Variants in IQCK observed in about 807,000 individuals in gnomAD.
IQCK encodes the protein IQ domain-containing protein K.
A neutral mutation model predicts 28.1 loss-of-function variants in IQCK; 29 were observed. The ratio of observed to expected loss-of-function variants is 1.03; its 90% confidence interval spans 0.77 to 1.41. IQCK has a LOEUF of 1.41. Among genes scored for constraint, IQCK ranks in the 40% most tolerant of loss-of-function variants. IQCK has a pLI of 0.00. For missense variants in IQCK, 359 were observed against 314.7 expected (o/e 1.14, Z -1.07); for synonymous variants, 113 against 115.1 (o/e 0.98, Z 0.12).
rs114076592 is a variant in IQCK at position 19,733,546 on chromosome 16, A to T, written c.247-152A>T. Reference sequence around the variant, plus strand: ...CTGCCTTGTCGTTTATAGGTGTCTCAGGAGGGAAGGGAGACAAAGATCTGT... The same window carrying T: ...CTGCCTTGTCGTTTATAGGTGTCTCTGGAGGGAAGGGAGACAAAGATCTGT... On this transcript the variant is annotated intron_variant, in intron 2 of 7. Coordinates refer to ENST00000564186, the Ensembl canonical transcript of IQCK. 3,282 of 799,822 alleles carry T rather than the reference A, an allele frequency of 4.1e-3. 77 individuals are homozygous for T. In the African/African-American group the frequency reaches 0.049, roughly 12 times the overall value. The allele number at this position is 799,822 out of a possible 1,614,324, so 49.5% of individuals were successfully genotyped here.
chr16:19,824,840 A>G (rs2056125070), intron 7 of IQCK, among the ~76,000 whole-genome samples: 1 of 152,150 alleles, frequency 6.6e-6, no homozygotes, highest in Admixed American at 6.5e-5. Flanking sequence ...ATCATCCAAG[A>G]CTGTTTCACC....
intron 4 of IQCK, among the ~76,000 whole-genome samples, chr16:19,756,573 TGA>T (rs1288284778): frequency 6.6e-6 from 1 of 151,932 alleles, no homozygotes; most frequent in Non-Finnish European, 1.5e-5. Context: ...GCTTTATGAG[TGA>T]GATTCGTGTC....
At chr16:19,773,909 A>G (rs571050058) in intron 6 of IQCK, among the ~76,000 whole-genome samples, 4 of 152,236 alleles carry the variant, frequency 2.6e-5, no homozygotes, top group Non-Finnish European at 4.4e-5. Context: ...GTGATGAACC[A>G]TTCTAAGATG....
chr16:19,841,634 C>T (rs986966313), intron 9 of IQCK, among the ~76,000 whole-genome samples: 3 of 152,194 alleles, frequency 2.0e-5, no homozygotes, highest in Non-Finnish European at 4.4e-5. Context: ...ACAACTTGAG[C>T]TAATTTCACC....
At chr16:19,723,519 T>G (rs574287673) in intron 1 of IQCK, among the ~76,000 whole-genome samples, 41 of 152,294 alleles carry the variant, frequency 2.7e-4, no homozygotes, top group African/African-American at 9.9e-4. Flanking sequence ...TTAGGAAACT[T>G]GCCCAAAGTA....
intron 1 of IQCK, among the ~76,000 whole-genome samples, chr16:19,721,012 G>GAA (rs1174204582): frequency 8.7e-6 from 1 of 114,866 alleles, no homozygotes; most frequent in Non-Finnish European, 1.9e-5. Flanking sequence ...AATCCGTCTA[G>GAA]AAAAAAAAAA....
intron 1 of IQCK, among the ~76,000 whole-genome samples, chr16:19,721,162 A>C (rs943502518): frequency 3.3e-5 from 5 of 152,260 alleles, no homozygotes; most frequent in African/African-American, 9.6e-5. Context: ...AGTTTCTGAC[A>C]ACAAACATGA....
At chr16:19,782,100 G>A (rs1297980373) in intron 6 of IQCK, among the ~76,000 whole-genome samples, 4 of 152,168 alleles carry the variant, frequency 2.6e-5, no homozygotes, top group Admixed American at 1.3e-4. Context: ...ACAAGTGGCC[G>A]TTACAAATAC....
intron 9 of IQCK, among the ~76,000 whole-genome samples, chr16:19,843,585 G>A (rs2056384547): frequency 1.3e-5 from 2 of 152,336 alleles, no homozygotes; most frequent in South Asian, 4.1e-4. Flanking sequence ...AGCTCAGGCT[G>A]CCATAATAAA....
intron 4 of IQCK, chr16:19,761,639 T>G (rs757380403): frequency 6.9e-6 from 2 of 289,492 alleles, no homozygotes; most frequent in Non-Finnish European, 1.4e-5. Flanking sequence ...TTCTTTGGGT[T>G]ACAAGAACAA....
chr16:19,733,703 G>A (rs753271465), exon 3 of IQCK: 21 of 1,613,786 alleles, frequency 1.3e-5, no homozygotes, highest in East Asian at 4.5e-5. Context: ...TCCAGGTTGC[G>A]CCAGTAGAGG....
chr16:19,749,291 G>A (rs936943389), intron 4 of IQCK, among the ~76,000 whole-genome samples: 8 of 152,174 alleles, frequency 5.3e-5, no homozygotes, highest in African/African-American at 1.4e-4. Context: ...TATTCATAAC[G>A]TTCCGAAGCT....
intron 4 of IQCK, among the ~76,000 whole-genome samples, chr16:19,751,347 C>T (rs946991341): frequency 2.6e-5 from 4 of 152,022 alleles, no homozygotes; most frequent in African/African-American, 4.8e-5. Context: ...CAGGCAGTGC[C>T]ATGTGCCTAT....
chr16:19,739,530 G>A (rs2151688840), intron 4 of IQCK, among the ~76,000 whole-genome samples: 1 of 152,322 alleles, frequency 6.6e-6, no homozygotes, highest in African/African-American at 2.4e-5. Flanking sequence ...AAAAGTCAGA[G>A]AAGACCCAGT....
chr16:19,826,276 G>A (rs1317122585), intron 7 of IQCK, among the ~76,000 whole-genome samples: 2 of 152,060 alleles, frequency 1.3e-5, no homozygotes, highest in East Asian at 3.9e-4. Flanking sequence ...TCATAGTACT[G>A]GGATTTACAG....
chr16:19,744,067 T>G (rs937601630), intron 4 of IQCK, among the ~76,000 whole-genome samples: 28 of 152,312 alleles, frequency 1.8e-4, no homozygotes, highest in Middle Eastern at 3.4e-3. Context: ...ATTCCATGAT[T>G]CCAGCCTCTG....
At chr16:19,772,771 G>C (rs1168267029) in intron 6 of IQCK, among the ~76,000 whole-genome samples, 1 of 152,166 alleles carries the variant, frequency 6.6e-6, no homozygotes, top group Non-Finnish European at 1.5e-5. Flanking sequence ...TTGGGAGGCT[G>C]AGGCAGAAGG....
At chr16:19,779,105 C>T (rs2055439272) in intron 6 of IQCK, among the ~76,000 whole-genome samples, 1 of 152,168 alleles carries the variant, frequency 6.6e-6, no homozygotes, top group Admixed American at 6.5e-5. Flanking sequence ...ACTTCAGCCT[C>T]CCAAAGTGCT....
chr16:19,834,309 A>G (rs1049254112), intron 9 of IQCK, among the ~76,000 whole-genome samples: 5 of 152,170 alleles, frequency 3.3e-5, no homozygotes, highest in African/African-American at 7.2e-5. Flanking sequence ...CATCGTACAG[A>G]TGAGGAAACC....
Sources: gnomAD v4.1 joint callset for allele counts (sites outside exome capture counted in the v4.1 genomes callset) on GRCh38, gnomAD v4.1.1 for gene constraint, MANE v1.5 for transcripts, NCBI Gene and HGNC (gene_info 2026-07-23, HGNC 2026-07-21) for gene names.